Variants in RYR2 observed in about 807,000 individuals in gnomAD.
The protein encoded by RYR2 is ryanodine receptor 2.
RYR2 carries 227 observed loss-of-function variants against 601.1 expected under a neutral mutation model. The observed-to-expected ratio is 0.38, with a 90% CI of 0.34 to 0.42. The LOEUF (loss-of-function observed/expected upper bound fraction) is 0.42. RYR2 is among the 10% of genes least tolerant of loss of function. The pLI is 1.00. For synonymous variants in RYR2, 2,223 were observed against 2,175.1 expected (o/e 1.02, Z -0.61); for missense variants, 4,646 against 6,156.5 (o/e 0.75, Z 8.21).
At chr1:237,562,477 C>A (rs1487454658) in intron 27 of RYR2, among the ~76,000 whole-genome samples, 1 of 152,062 alleles carries the variant, frequency 6.6e-6, no homozygotes, top group Non-Finnish European at 1.5e-5. Flanking sequence ...TTACTTTAGG[C>A]CTTTTTAGGC....
chr1:237,306,832 T>TTC lies in RYR2; in HGVS notation c.169-24045_169-24044insCT, dbSNP rs1245944319. 3.3e-5 allele frequency among the ~76,000 whole-genome samples: 5 copies of TTC among 152,194 alleles called. 1 individual carries two copies. Among genetic ancestry groups the TTC allele is most frequent in the Admixed American group, 2.0e-4 (3 of 15,284 alleles). ...GATAACCTAACAAGAATTAGTCCTT[T>TTC]TAATGGTAGAATCAAGCCTTATTTG... On this transcript the variant is annotated intron_variant, in intron 2 of 104. Transcript: ENST00000366574.
At chr1:237,517,100 A>G (rs1303383789) in intron 24 of RYR2, among the ~76,000 whole-genome samples, 1 of 152,148 alleles carries the variant, frequency 6.6e-6, no homozygotes, top group Non-Finnish European at 1.5e-5. Context: ...CATGCCTTGC[A>G]CCACTCTTTG....
chr1:237,161,353 G>C (rs1337800), intron 1 of RYR2, among the ~76,000 whole-genome samples: 3 of 148,686 alleles, frequency 2.0e-5, no homozygotes, highest in African/African-American at 7.8e-5. Flanking sequence ...AGAAAATTTT[G>C]GGGGAAAAAA....
At chr1:237,304,732 T>G (rs1267940396) in intron 2 of RYR2, among the ~76,000 whole-genome samples, 9 of 152,228 alleles carry the variant, frequency 5.9e-5, no homozygotes, top group Admixed American at 5.9e-4. Flanking sequence ...ATGAACTTTA[T>G]ATGAATGTCA....
chr1:237,491,507 C>A (rs1203508843), intron 17 of RYR2, among the ~76,000 whole-genome samples: 3 of 152,174 alleles, frequency 2.0e-5, no homozygotes, highest in African/African-American at 7.2e-5. Context: ...CTTTAAGGCC[C>A]CACCTCTGTG....
chr1:237,441,258 A>G (rs1373343056), intron 12 of RYR2, 61 bp from the exon 13 acceptor site: 5 of 1,581,298 alleles, frequency 3.2e-6, no homozygotes, highest in African/African-American at 2.7e-5. Flanking sequence ...GCAAAATTCT[A>G]TTGCCATACA....
At chr1:237,236,567 G>C (rs1832340) in intron 1 of RYR2, among the ~76,000 whole-genome samples, 40,898 of 151,970 alleles carry the variant, frequency 0.27, 6,441 homozygotes, top group Admixed American at 0.38. Context: ...ATTGATACAA[G>C]GTTGTGCAGA....
chr1:237,466,835 A>T (rs1337992248), intron 16 of RYR2, among the ~76,000 whole-genome samples: 1 of 151,744 alleles, frequency 6.6e-6, no homozygotes, highest in Non-Finnish European at 1.5e-5. Flanking sequence ...TTATATTATG[A>T]TATTGATTCC....
At chr1:237,406,533 C>T (rs34131909) in intron 10 of RYR2, among the ~76,000 whole-genome samples, 45,777 of 151,470 alleles carry the variant, frequency 0.3, 7,471 homozygotes, top group East Asian at 0.43. Flanking sequence ...TGTAGCTCTC[C>T]ATCCTTCTCT....
chr1:237,430,110 CATATATAACATTCAT>C (rs1480872954), intron 12 of RYR2, among the ~76,000 whole-genome samples: 1 of 149,362 alleles, frequency 6.7e-6, no homozygotes, highest in African/African-American at 2.5e-5. Context: ...AGGTATATAA[CATATATAACATTCAT>C]ATATATAACA....
intron 88 of RYR2, among the ~76,000 whole-genome samples, chr1:237,780,069 G>GTACTT (rs1558396272): frequency 6.6e-6 from 1 of 152,150 alleles, no homozygotes; most frequent in Non-Finnish European, 1.5e-5. Flanking sequence ...TCCCAGGCAG[G>GTACTT]TACTTTAGTG....
chr1:237,772,141 G>T (rs563888998), intron 86 of RYR2, 41 bp downstream of exon 86: 5 of 1,111,586 alleles, frequency 4.5e-6, no homozygotes, highest in Non-Finnish European at 6.6e-6. Flanking sequence ...AAAAGGGTTG[G>T]TATGTTGAAA....
intron 47 of RYR2, among the ~76,000 whole-genome samples, chr1:237,642,483 A>G (rs1681662073): frequency 6.6e-6 from 1 of 152,244 alleles, no homozygotes. Flanking sequence ...TCAGAAAAAA[A>G]CATCAGCGAA....
intron 2 of RYR2, among the ~76,000 whole-genome samples, chr1:237,291,876 T>A (rs1256069797): frequency 6.6e-6 from 1 of 152,120 alleles, no homozygotes; most frequent in Non-Finnish European, 1.5e-5. Context: ...CCATCAAATA[T>A]CCAACACAAA....
At chr1:237,261,720 A>T (rs1259187726) in intron 1 of RYR2, among the ~76,000 whole-genome samples, 1 of 152,050 alleles carries the variant, frequency 6.6e-6, no homozygotes, top group Non-Finnish European at 1.5e-5. Context: ...ACATGGCGAG[A>T]CCCTGTCTCC....
intron 1 of RYR2, among the ~76,000 whole-genome samples, chr1:237,166,810 G>T (rs1300256263): frequency 6.6e-6 from 1 of 152,158 alleles, no homozygotes; most frequent in Admixed American, 6.5e-5. Context: ...TCAGAGATGA[G>T]AAAATAAAAA....
At chr1:237,273,646 C>A (rs942215449) in intron 2 of RYR2, among the ~76,000 whole-genome samples, 1 of 152,002 alleles carries the variant, frequency 6.6e-6, no homozygotes, top group Non-Finnish European at 1.5e-5. Flanking sequence ...TATAAAAATT[C>A]AACTTCCTGA....
chr1:237,716,203 A>G (rs1315297279), intron 71 of RYR2, among the ~76,000 whole-genome samples: 3 of 152,106 alleles, frequency 2.0e-5, no homozygotes, highest in African/African-American at 7.2e-5. Flanking sequence ...TACTTTCACT[A>G]TGGTAAAAAT....
intron 58 of RYR2, among the ~76,000 whole-genome samples, chr1:237,669,705 G>A (rs1257474083): frequency 6.6e-6 from 1 of 151,682 alleles, no homozygotes; most frequent in Non-Finnish European, 1.5e-5. Context: ...GCCGGGCAGA[G>A]ACGCTCCTCA....
Sources: gnomAD v4.1 joint callset for allele counts (sites outside exome capture counted in the v4.1 genomes callset) on GRCh38, gnomAD v4.1.1 for gene constraint, MANE v1.5 for transcripts, NCBI Gene and HGNC (gene_info 2026-07-23, HGNC 2026-07-21) for gene names.